IL18RAP: variants seen among roughly 807,000 people sequenced by gnomAD.
The protein encoded by IL18RAP is interleukin-18 receptor accessory protein.
Under a neutral mutation model 58.1 loss-of-function variants are expected in IL18RAP, and 37 were observed. The observed-to-expected ratio is 0.64, with a 90% CI of 0.49 to 0.84. The LOEUF is 0.84. Among genes scored for constraint, IL18RAP ranks in the 40% least tolerant of loss-of-function variants. The pLI is 0.00. For missense variants in IL18RAP, 667 were observed against 704.8 expected (o/e 0.95, Z 0.61); for synonymous variants, 268 against 257.5 (o/e 1.04, Z -0.39).
intron 3 of IL18RAP, chr2:102,434,083 C>T (rs1682575204): frequency 6.6e-6 from 1 of 152,116 alleles, no homozygotes; most frequent in Non-Finnish European, 1.5e-5. Flanking sequence ...AAACATTGGC[C>T]CATTTGATTA....
rs1681690165 is a variant in IL18RAP, at chr2:102,423,255, G to T, written c.-23G>T. On this transcript the variant is annotated 5_prime_UTR_variant, in exon 1 of 10. It removes the in-frame stop codon of an upstream open reading frame in the 5' UTR. Transcript: ENST00000687160. ...GGCAAAGGAATGAAGTTATTGGAGT[G>T]ATGACAGGAACACGGGAGAACAATG... 6.2e-7 allele frequency: 1 copy of T among 1,611,922 alleles called. No homozygotes were observed. Among genetic ancestry groups the T allele is most frequent in the Non-Finnish European group, 8.5e-7 (1 of 1,178,012 alleles).
chr2:102,430,911 T>C (rs747127193), intron 3 of IL18RAP, among the ~76,000 whole-genome samples: 1 of 152,164 alleles, frequency 6.6e-6, no homozygotes, highest in Non-Finnish European at 1.5e-5. Context: ...ACAGCTAGGA[T>C]TGTTTTTATT....
At position 102,452,304 on chromosome 2, in the gene IL18RAP, A is replaced by C. The variant is rs2104394560; in HGVS notation, c.*123A>C. 1.1e-6 allele frequency: 1 copy of C among 950,496 alleles called. No individual in the cohort carries two copies. The allele number at this position is 950,496 out of a possible 1,614,324, so 58.9% of individuals were successfully genotyped here. A position where few individuals can be genotyped will look rare whatever the true frequency, so the allele number is the denominator to read the frequency against. On this transcript the variant is annotated 3_prime_UTR_variant, in exon 10 of 10. Coordinates refer to ENST00000687160, the MANE Select transcript of IL18RAP (RefSeq NM_001393487.1). Reference sequence around the variant, plus strand: ...ATTCAAAGAGTCTCCTGCCAGCACCAAGCAAGCTTGATGGACAATGGAGTG... The same window carrying C: ...ATTCAAAGAGTCTCCTGCCAGCACCCAGCAAGCTTGATGGACAATGGAGTG...
At position 102,425,990 on chromosome 2, in the gene IL18RAP, G is replaced by A. The variant is rs1681914902; in HGVS notation, c.579+1576G>A. Among the ~76,000 whole-genome samples, 4 of 152,116 alleles carry A rather than the reference G, an allele frequency of 2.6e-5. No individual in the cohort carries two copies. The South Asian group carries it at 6.2e-4, about 24-fold the overall frequency. On this transcript the variant is annotated intron_variant, in intron 3 of 9. Coordinates refer to ENST00000687160, the MANE Select transcript of IL18RAP (RefSeq NM_001393487.1). ...AGAATAGGTGAACAATGGCTGTTAT[G>A]AAAATTGTACCTCTGATACAGATTT...
Position 102,424,302 on chromosome 2 carries a change from A to G in IL18RAP, c.467A>G (p.Glu156Gly), listed in dbSNP as rs1408973413. The G allele has an allele frequency of 9.9e-6, 16 of 1,614,118 alleles. No homozygotes were observed. Among genetic ancestry groups the G allele is most frequent in the Non-Finnish European group, 1.3e-5 (15 of 1,179,966 alleles). ...AAGCCCCAGACAAATGCATCCTGTG[A>G]GTATTCCGCATCACATAAGCAAGAC... is the stretch of plus-strand genomic sequence containing the variant. ...EVKPQTNASC[E>G]YSASHKQDLL... The change falls in exon 3 of 10, where the codon GAG (glutamate) becomes GGG (glycine). Residue 156 changes from glutamate to glycine, a missense_variant. By Grantham distance (98) the Glu-to-Gly change is moderately conservative. Transcript: ENST00000687160.
At chr2:102,424,203 T>C in intron 2 of IL18RAP, 28 bp from the exon 3 acceptor site, 1 of 1,611,192 alleles carries the variant, frequency 6.2e-7, no homozygotes, top group Non-Finnish European at 8.5e-7. Flanking sequence ...AAAATATCTA[T>C]GTTCACAGGA....
At chr2:102,436,362 G>T (rs1682739670) in intron 3 of IL18RAP, among the ~76,000 whole-genome samples, 1 of 152,054 alleles carries the variant, frequency 6.6e-6, no homozygotes. Flanking sequence ...ACTTCCTTTT[G>T]AAAAGTTCCT....
intron 8 of IL18RAP, among the ~76,000 whole-genome samples, chr2:102,450,226 G>A (rs1683679637): frequency 6.3e-3 from 1 of 158 alleles, no homozygotes; most frequent in Non-Finnish European, 0.011. Flanking sequence ...CCTATAACAA[G>A]TTATATACAT....
rs957056305 is a variant in IL18RAP, at chr2:102,423,188, G to T, written c.-90G>T. ...TTTCTTGATTTACAGAAATGAAGGGGATACTCAGGGCAGAGTTCTGAATCT... is the reference window on the plus strand; with the variant it reads ...TTTCTTGATTTACAGAAATGAAGGGTATACTCAGGGCAGAGTTCTGAATCT... On this transcript the variant is annotated 5_prime_UTR_variant, in exon 1 of 10. Coordinates refer to ENST00000687160, the MANE Select transcript of IL18RAP (RefSeq NM_001393487.1). 6.2e-6 allele frequency: 7 copies of T among 1,123,746 alleles called. No individual in the cohort carries two copies. Among genetic ancestry groups the T allele is most frequent in the African/African-American group, 6.2e-5 (4 of 64,524 alleles). 69.6% of individuals were successfully genotyped at this position (1,123,746 alleles called of 1,614,324 possible). A position where few individuals can be genotyped will look rare whatever the true frequency, so the allele number is the denominator to read the frequency against.
At chr2:102,422,493 C>A (rs977364680), upstream of IL18RAP, among the ~76,000 whole-genome samples, 5 of 152,294 alleles carry the variant, frequency 3.3e-5, no homozygotes, top group Middle Eastern at 3.4e-3. Flanking sequence ...GAGCCATATG[C>A]CTCCCCACCC....
At chr2:102,430,281 T>C (rs1448161555) in intron 3 of IL18RAP, among the ~76,000 whole-genome samples, 1 of 152,054 alleles carries the variant, frequency 6.6e-6, no homozygotes, top group Non-Finnish European at 1.5e-5. Flanking sequence ...ATCCTCTTAG[T>C]GAATGGACTC....
rs949866906 is a variant in IL18RAP, at chr2:102,451,242, G to A, written c.1384+221G>A. On this transcript the variant is annotated intron_variant, in intron 9 of 9. Transcript: ENST00000687160. The stretch of plus-strand genomic sequence containing the variant: ...AGACAATCACATGGGGCCCTAGGCA[G>A]TCCTTCTAGGACAAAGATACCTCTC... 4.9e-4 allele frequency among the ~76,000 whole-genome samples: 75 copies of A among 152,202 alleles called. 1 individual carries two copies. Among genetic ancestry groups the A allele is most frequent in the Admixed American group, 6.5e-4 (10 of 15,286 alleles).
intron 3 of IL18RAP, among the ~76,000 whole-genome samples, chr2:102,426,980 G>T (rs1298964829): frequency 6.6e-6 from 1 of 151,968 alleles, no homozygotes; most frequent in Non-Finnish European, 1.5e-5. Context: ...ACTTTTTAAG[G>T]TTCTATATAT....
intron 7 of IL18RAP, among the ~76,000 whole-genome samples, chr2:102,445,946 C>T (rs6543135): frequency 0.2 from 30,940 of 152,016 alleles, 3,378 homozygotes; most frequent in African/African-American, 0.23. Flanking sequence ...TAGTTATAAG[C>T]AGGTTTGAAT....
At chr2:102,446,076 T>C (rs1323492700) in intron 7 of IL18RAP, among the ~76,000 whole-genome samples, 1 of 152,200 alleles carries the variant, frequency 6.6e-6, no homozygotes, top group African/African-American at 2.4e-5. Context: ...CAGATGGGAC[T>C]CCTGGTCTCA....
chr2:102,441,931 T>C (rs1683131286), intron 5 of IL18RAP, among the ~76,000 whole-genome samples: 1 of 152,112 alleles, frequency 6.6e-6, no homozygotes, highest in Admixed American at 6.5e-5. Context: ...GGACAATGTA[T>C]GTTAAGTGGC....
Position 102,443,125 on chromosome 2 carries a change from C to A in IL18RAP, c.797-75C>A. 6 of 1,447,904 alleles carry A rather than the reference C, an allele frequency of 4.1e-6. No homozygotes were observed. In the South Asian group the frequency reaches 7.8e-5, roughly 19 times the overall value. The allele number at this position is 1,447,904 out of a possible 1,614,324, so 89.7% of individuals were successfully genotyped here. On this transcript the variant is annotated intron_variant, in intron 5 of 9. Transcript: ENST00000687160. The stretch of plus-strand genomic sequence containing the variant: ...TGCATCAGGAGACAGCTTCTGGCGA[C>A]GTCTTCCTCCCAGATGTAGGACAAA...
intron 3 of IL18RAP, 91 bp from the exon 4 acceptor site, chr2:102,437,121 C>T (rs1235090435): frequency 8.3e-7 from 1 of 1,202,432 alleles, no homozygotes; most frequent in Non-Finnish European, 1.2e-6. Context: ...TTCTTCCTCC[C>T]TGTTCAAATT....
intron 3 of IL18RAP, among the ~76,000 whole-genome samples, chr2:102,433,247 G>A (rs569268611): frequency 6.6e-6 from 1 of 152,290 alleles, no homozygotes; most frequent in South Asian, 2.1e-4. Flanking sequence ...TTTAGAGATA[G>A]GATCTTATTC....
Sources: gnomAD v4.1 joint callset for allele counts (sites outside exome capture counted in the v4.1 genomes callset) on GRCh38, gnomAD v4.1.1 for gene constraint, MANE v1.5 for transcripts, NCBI Gene and HGNC (gene_info 2026-07-23, HGNC 2026-07-21) for gene names.